SPTBN5: variants seen among roughly 807,000 people sequenced by gnomAD.
SPTBN5 encodes the protein spectrin beta chain, non-erythrocytic 5.
SPTBN5 carries 513 observed loss-of-function variants against 477.6 expected under a neutral mutation model. That is an observed-to-expected ratio of 1.07 (90% CI 1.00 to 1.16). The LOEUF (loss-of-function observed/expected upper bound fraction) is 1.16. SPTBN5 is among the 50% of genes most tolerant of loss of function. The pLI is 0.00. For missense variants in SPTBN5, 5,062 were observed against 4,731.8 expected, an observed-to-expected ratio of 1.07 and a Z score of -2.05; for synonymous variants, 2,169 against 2,011.7, an observed-to-expected ratio of 1.08 and a Z score of -2.09.
At chr15:41,877,593 C>T (rs996758525) in intron 17 of SPTBN5, among the ~76,000 whole-genome samples, 8 of 152,210 alleles carry the variant, frequency 5.3e-5, no homozygotes, top group African/African-American at 1.9e-4. Context: ...GGAGGCAGCA[C>T]AGTGTGAGAG....
rs761423906 is a variant in SPTBN5 at position 41,874,050 on chromosome 15, C to T, written c.4690-5G>A. On this transcript the variant is annotated splice_region_variant and splice_polypyrimidine_tract_variant and intron_variant, in intron 24 of 67. Coordinates refer to ENST00000320955, the MANE Select transcript of SPTBN5 (RefSeq NM_016642.4). ...TTTTACCTCCACCTGGAGCTCCTGC[C>T]ACAGAGTGGCTTGAGAGGCTGCTGC... 1.3e-6 allele frequency: 2 copies of T among 1,588,248 alleles called. No homozygotes were observed. Among genetic ancestry groups the T allele is most frequent in the African/African-American group, 2.7e-5 (2 of 74,830 alleles).
Position 41,850,872 on chromosome 15 carries a change from C to A in SPTBN5, c.10903G>T (p.Ala3635Ser). 1 of 1,600,642 alleles carries A rather than the reference C, an allele frequency of 6.2e-7. No homozygotes were observed. The highest frequency in any genetic ancestry group is 8.5e-7 in the Non-Finnish European group (1 of 1,174,528). The change falls in exon 66 of 68, where the codon GCC (alanine) becomes TCC (serine). Residue 3635 changes from alanine to serine, a missense_variant. By Grantham distance (99) the Ala-to-Ser change is moderately conservative. Coordinates refer to ENST00000320955, the MANE Select transcript of SPTBN5 (RefSeq NM_016642.4). ...AGCCCACCTGCAGTGCTGCCCAGGG[C>A]TCGCCACCAGCTCTCAGCCTGCTCT... is the stretch of plus-strand genomic sequence containing the variant. ...SEEQAESWWR[A>S]LGSTAAQSLS... is the part of the protein sequence containing the mutation.
Position 41,879,792 on chromosome 15 carries a change from G to T in SPTBN5, c.2884C>A (p.Gln962Lys). ...EVSSSAEQLR[Q>K]RYPGNSTQIQ... ...TGTGTGGAGTTCCCAGGATATCTCT[G>T]CCTCAGTTGCTCAGCAGAGCTGCTG... Residue 962 changes from glutamine to lysine, a missense_variant, in exon 15 of 68, where the codon CAG becomes AAG. Transcript: ENST00000320955. The T allele has an allele frequency of 6.2e-7, 1 of 1,613,958 alleles. No homozygotes were observed. The highest frequency in any genetic ancestry group is 1.1e-5 in the South Asian group (1 of 91,086).
At chr15:41,848,797 A>G (rs962391339) in intron 67 of SPTBN5, among the ~76,000 whole-genome samples, 169 bp from the exon 68 acceptor site, 3 of 152,168 alleles carry the variant, frequency 2.0e-5, no homozygotes, top group African/African-American at 4.8e-5. Flanking sequence ...GACCACAGTG[A>G]CGCGTGAGTG....
rs751217361 is a variant in SPTBN5, at chr15:41,870,252, G to A, written c.5664C>T (p.Thr1888=). ...HQGLERELVG[T]ERQLQELLET... ...AGCCAGCTGGGCTCACCTGCCGCTCGGTGCCCACGAGTTCTCGCTCCAGCC... is the reference window on the plus strand; with the variant it reads ...AGCCAGCTGGGCTCACCTGCCGCTCAGTGCCCACGAGTTCTCGCTCCAGCC... The change falls in exon 31 of 68, where the codon ACC becomes ACT. Residue 1888 remains threonine, a synonymous_variant. Transcript: ENST00000320955. The A allele has an allele frequency of 1.7e-5, 27 of 1,549,522 alleles. No homozygotes were observed. The highest frequency in any genetic ancestry group is 2.7e-5 in the African/African-American group (2 of 73,054).
Position 41,875,579 on chromosome 15 carries a change from TCCTCCTGGCCACAGGG to T in SPTBN5, c.4150_4165del (p.Pro1384ThrfsTer9), listed in dbSNP as rs1199933868. Reference sequence around the variant, plus strand: ...CAGGCCTTGAAGCCTGGTCTGTATGTCCTCCTGGCCACAGGGCCTCCTACTCAACAGCTCTCTCCCA... The same window carrying T: ...CAGGCCTTGAAGCCTGGTCTGTATGTCCTCCTACTCAACAGCTCTCTCCCA... On this transcript the variant is annotated frameshift_variant, in exon 22 of 68. Transcript: ENST00000320955. LOFTEE classifies it high-confidence loss of function. 3 of 1,605,476 alleles carry T rather than the reference TCCTCCTGGCCACAGGG, an allele frequency of 1.9e-6. No individual in the cohort carries two copies. In the African/African-American group the frequency reaches 4.0e-5, roughly 21 times the overall value.
chr15:41,851,119 G>T lies in SPTBN5; in HGVS notation c.10775C>A (p.Thr3592Lys), dbSNP rs775979792. Reference protein sequence around the residue: ...KVASIALLDLTGARCERLRGR... With the variant: ...KVASIALLDLKGARCERLRGR... The stretch of plus-strand genomic sequence containing the variant: ...CCGCAGCCTCTCACACCGGGCTCCC[G>T]TGAGGTCAAGGAGGGCTATGGAAGC... The change falls in exon 65 of 68, where the codon ACG (threonine) becomes AAG (lysine). Residue 3592 changes from threonine (T) to lysine (K), a missense_variant. Coordinates refer to ENST00000320955, the MANE Select transcript of SPTBN5 (RefSeq NM_016642.4). 1 of 1,613,256 alleles carries T rather than the reference G, an allele frequency of 6.2e-7. No individual in the cohort carries two copies. The highest frequency in any genetic ancestry group is 8.5e-7 in the Non-Finnish European group (1 of 1,179,812).
Position 41,885,764 on chromosome 15 carries a change from C to A in SPTBN5, c.1491G>T (p.Gln497His), listed in dbSNP as rs1239207125. The change falls in exon 7 of 68, where the codon CAG (glutamine) becomes CAT (histidine). Residue 497 changes from glutamine (Q) to histidine (H), a missense_variant. Transcript: ENST00000320955. Reference sequence around the variant, plus strand: ...GGGCCACATCTGCCCAGCTGTGGTACTGCTCCTGCCGGAGGATGTCTGCGA... The same window carrying A: ...GGGCCACATCTGCCCAGCTGTGGTAATGCTCCTGCCGGAGGATGTCTGCGA... ...AEIADILRQE[Q>H]YHSWADVARR... The A allele has an allele frequency of 1.3e-6, 2 of 1,557,374 alleles. No homozygotes were observed. Among genetic ancestry groups the A allele is most frequent in the Admixed American group, 3.9e-5 (2 of 51,766 alleles).
chr15:41,856,266 G>T, intron 53 of SPTBN5, 120 bp downstream of exon 53: 7 of 892,750 alleles, frequency 7.8e-6, no homozygotes, highest in Non-Finnish European at 9.8e-6. Context: ...TTGGGGGCAG[G>T]AGACCACTGA....
intron 41 of SPTBN5, among the ~76,000 whole-genome samples, chr15:41,863,497 G>A (rs1442778612): frequency 2.0e-5 from 3 of 152,162 alleles, no homozygotes; most frequent in African/African-American, 7.2e-5. Context: ...CACTGAGCTC[G>A]CAATGGATGC....
rs1268430347 is a variant in SPTBN5 at position 41,872,379 on chromosome 15, T to C, written c.5088A>G (p.Glu1696=). The change falls in exon 27 of 68, where the codon GAA becomes GAG. Residue 1696 remains glutamate, a synonymous_variant. Coordinates refer to ENST00000320955, the MANE Select transcript of SPTBN5 (RefSeq NM_016642.4). ...GCACCACACGCTGCTGCTCAGGGAC[T>C]TCGGGGCCAGTGAGGGTTTGGGCCG... The part of the protein sequence containing the change: ...DQTAQTLTGP[E]VPEQQRVVQE... 1 of 1,610,120 alleles carries C rather than the reference T, an allele frequency of 6.2e-7. No individual in the cohort carries two copies. The highest frequency in any genetic ancestry group is 1.7e-5 in the Admixed American group (1 of 59,600).
chr15:41,863,008 C>T (rs898698348), intron 41 of SPTBN5, 105 bp from the exon 42 acceptor site: 79 of 1,048,494 alleles, frequency 7.5e-5, no homozygotes, highest in South Asian at 8.4e-5. Context: ...AAGTCCCCAG[C>T]GTGATTTCCT....
chr15:41,886,887 A>G (rs1222309157), intron 6 of SPTBN5, among the ~76,000 whole-genome samples: 1 of 152,250 alleles, frequency 6.6e-6, no homozygotes, highest in African/African-American at 2.4e-5. Context: ...TCCTTGCAGA[A>G]TCCTGGCTCT....
At chr15:41,892,840 C>T (rs558111078) in intron 3 of SPTBN5, 54 bp downstream of exon 3, 5 of 1,521,276 alleles carry the variant, frequency 3.3e-6, no homozygotes, top group Non-Finnish European at 4.4e-6. Flanking sequence ...GTAGTTCAGC[C>T]TGTCCCAGCT....
intron 41 of SPTBN5, 99 bp downstream of exon 41, chr15:41,863,605 G>A: frequency 1.5e-5 from 14 of 908,228 alleles, no homozygotes; most frequent in Admixed American, 2.0e-5. Context: ...AACAGGAGAG[G>A]CCAGTGAGGG....
chr15:41,885,387 C>T (rs1397932535), intron 7 of SPTBN5, among the ~76,000 whole-genome samples: 1 of 152,040 alleles, frequency 6.6e-6, no homozygotes, highest in East Asian at 1.9e-4. Context: ...GTCTGTTTTC[C>T]TTAGTAGTGT....
chr15:41,872,045 G>A (rs2066560467), intron 27 of SPTBN5, 128 bp from the exon 28 acceptor site: 12 of 1,249,336 alleles, frequency 9.6e-6, no homozygotes, highest in Non-Finnish European at 7.5e-6. Flanking sequence ...TGCGGCTCAC[G>A]ATTCAGGGAG....
intron 39 of SPTBN5, among the ~76,000 whole-genome samples, chr15:41,864,541 T>C (rs1259439602): frequency 6.6e-6 from 1 of 152,228 alleles, no homozygotes; most frequent in Non-Finnish European, 1.5e-5. Context: ...CTCAAACTAC[T>C]GACCTCAAGT....
At position 41,852,897 on chromosome 15, in the gene SPTBN5, A is replaced by G; in HGVS notation, c.10274T>C (p.Leu3425Pro). ...RCAESWGLQK[L>P]RQRLEQAEAW... Reference sequence around the variant, plus strand: ...CTCAGCCTGCTCCAGCCTCTGCCGAAGCTTCTGCAGGCCCCAGCTCTCGGC... The same window carrying G: ...CTCAGCCTGCTCCAGCCTCTGCCGAGGCTTCTGCAGGCCCCAGCTCTCGGC... The change falls in exon 60 of 68, where the codon CTT (leucine) becomes CCT (proline). Residue 3425 changes from leucine (L) to proline (P), a missense_variant. Transcript: ENST00000320955. The G allele has an allele frequency of 6.2e-7, 1 of 1,607,746 alleles. No individual in the cohort carries two copies. Among genetic ancestry groups the G allele is most frequent in the Non-Finnish European group, 8.5e-7 (1 of 1,176,708 alleles).
Sources: allele counts gnomAD v4.1 joint callset (sites outside exome capture counted in the v4.1 genomes callset), GRCh38; gene constraint gnomAD v4.1.1; transcripts MANE v1.5; gene names NCBI Gene and HGNC (gene_info 2026-07-23, HGNC 2026-07-21).